GORASP1: variants seen among roughly 807,000 people sequenced by gnomAD.
The protein encoded by GORASP1 is Golgi reassembly-stacking protein 1.
GORASP1 carries 31 observed loss-of-function variants against 37.7 expected under a neutral mutation model. The ratio of observed to expected loss-of-function variants is 0.82; its 90% CI spans 0.62 to 1.11. GORASP1 has a LOEUF of 1.11. Ranked by LOEUF, GORASP1 falls within the 50% of genes least tolerant of loss-of-function variation. The probability of loss-of-function intolerance (pLI) is 0.00; values close to 1 mark genes in which losing one functional copy is unlikely to be tolerated. For missense variants in GORASP1, 476 were observed against 560.7 expected (o/e 0.85, Z 1.53); for synonymous variants, 204 against 224.8 (o/e 0.91, Z 0.83).
In GORASP1 at chr3:39,098,973, G is replaced by A; in HGVS notation, c.917-80C>T. On this transcript the variant is annotated intron_variant, in intron 7 of 8. Coordinates refer to ENST00000319283, the MANE Select transcript of GORASP1 (RefSeq NM_031899.4). This position sits in a 1 kb window ranked among gnomAD's most constrained non-coding sequence, Gnocchi z 4.7. Reference sequence around the variant, plus strand: ...CAGCACCCTGGGCTCACCTTGCCTAGGGCATCTGGCCCAGCCTGTGAGACT... The same window carrying A: ...CAGCACCCTGGGCTCACCTTGCCTAAGGCATCTGGCCCAGCCTGTGAGACT... 2 of 1,564,674 alleles carry A rather than the reference G, an allele frequency of 1.3e-6. No individual in the cohort carries two copies. Among genetic ancestry groups the A allele is most frequent in the Non-Finnish European group, 1.7e-6 (2 of 1,148,156 alleles).
rs1158168306 is a variant in GORASP1, at chr3:39,097,220, G to A, written c.*1016C>T. On this transcript the variant is annotated 3_prime_UTR_variant, in exon 9 of 9. Transcript: ENST00000319283. Reference sequence around the variant, plus strand: ...TTCAACTAGGCACAAGCTAGAAGACGAGGCCAGAGCAGCTTTCATAGTAAT... The same window carrying A: ...TTCAACTAGGCACAAGCTAGAAGACAAGGCCAGAGCAGCTTTCATAGTAAT... 1 of 152,200 alleles carries A rather than the reference G, an allele frequency of 6.6e-6. No individual in the cohort carries two copies. 9.4% of individuals were successfully genotyped at this position (152,200 alleles called of 1,614,324 possible).
Position 39,098,894 on chromosome 3 carries a change from C to G in GORASP1, c.917-1G>C. The stretch of plus-strand genomic sequence containing the variant: ...GAAATTCCCGACACGTCCAGGAAGC[C>G]TAGGGGAGGGTGGTGCAGTTCTTTG... On this transcript the variant is annotated splice_acceptor_variant, in intron 7 of 8. Transcript: ENST00000319283. LOFTEE classifies it high-confidence loss of function. The surrounding 1 kb of genome is among the most constrained non-coding windows in gnomAD (Gnocchi z 4.7). 6.2e-7 allele frequency: 1 copy of G among 1,613,822 alleles called. No individual in the cohort carries two copies. Among genetic ancestry groups the G allele is most frequent in the Non-Finnish European group, 8.5e-7 (1 of 1,179,888 alleles).
rs762993730 is a variant in GORASP1, at chr3:39,102,906, C to G, written c.145-25G>C. On this transcript the variant is annotated intron_variant, in intron 2 of 8. Transcript: ENST00000319283. The surrounding 1 kb of genome is among the most constrained non-coding windows in gnomAD (Gnocchi z 5.0). ...TCTGTGGGGGCAATGGGGCTGACTC[C>G]AAGGCCACCTCATGCCCAGGCTAGG... 1.2e-6 allele frequency: 2 copies of G among 1,606,460 alleles called. No individual in the cohort carries two copies. The highest frequency in any genetic ancestry group is 1.7e-6 in the Non-Finnish European group (2 of 1,172,986).
Position 39,103,160 on chromosome 3 carries a change from G to A in GORASP1, c.145-279C>T. On this transcript the variant is annotated intron_variant, in intron 2 of 8. Transcript: ENST00000319283. This position sits in a 1 kb window ranked among gnomAD's most constrained non-coding sequence, Gnocchi z 5.2. ...AGCCTCCCAGATCCACAGCATTCCA[G>A]TGCTGCCCCACTCTGAGCTGCCCCT... 1 of 594,152 alleles carries A rather than the reference G, an allele frequency of 1.7e-6. No individual in the cohort carries two copies. The highest frequency in any genetic ancestry group is 3.0e-6 in the Non-Finnish European group (1 of 333,646). The allele number at this position is 594,152 out of a possible 1,614,324, so 36.8% of individuals were successfully genotyped here. A position where few individuals can be genotyped will look rare whatever the true frequency, so the allele number is the denominator to read the frequency against.
chr3:39,104,995 G>A (rs373809355), intron 1 of GORASP1, among the ~76,000 whole-genome samples: 2 of 152,148 alleles, frequency 1.3e-5, no homozygotes, highest in African/African-American at 4.8e-5. Context: ...CTCCACGTCA[G>A]GTGCCTGCCT....
chr3:39,104,249 G>T (rs1309226936), intron 1 of GORASP1, among the ~76,000 whole-genome samples: 1 of 152,186 alleles, frequency 6.6e-6, no homozygotes, highest in Non-Finnish European at 1.5e-5. Context: ...GCCTCATAGT[G>T]TAGCCTCCAT....
At chr3:39,107,211 G>A (rs1165362898) in intron 1 of GORASP1, 3 of 539,880 alleles carry the variant, frequency 5.6e-6, no homozygotes, top group South Asian at 5.1e-5. Context: ...CCGGCGGCCG[G>A]ACCAGGAAAA....
chr3:39,101,528 C>G (rs2035717815), intron 3 of GORASP1: 2 of 458,358 alleles, frequency 4.4e-6, no homozygotes, highest in Non-Finnish European at 8.8e-6. Context: ...CAGGAGCACC[C>G]ACTACATTGC....
At chr3:39,104,653 A>G (rs916715572) in intron 1 of GORASP1, among the ~76,000 whole-genome samples, 2 of 152,200 alleles carry the variant, frequency 1.3e-5, no homozygotes, top group Non-Finnish European at 2.9e-5. Flanking sequence ...GCTCATGAAG[A>G]CTAGGCTGAG....
At position 39,097,310 on chromosome 3, in the gene GORASP1, C is replaced by T. The variant is rs2035403373; in HGVS notation, c.*926G>A. On this transcript the variant is annotated 3_prime_UTR_variant, in exon 9 of 9. Coordinates refer to ENST00000319283, the MANE Select transcript of GORASP1 (RefSeq NM_031899.4). ...GGACTTCAGGTGATGAGGGGCCGTC[C>T]CCAGGTGGAGTGCAGGGCCTAACCT... 1 of 152,250 alleles carries T rather than the reference C, an allele frequency of 6.6e-6. No individual in the cohort carries two copies. The allele number at this position is 152,250 out of a possible 1,614,324, so 9.4% of individuals were successfully genotyped here. A position where few individuals can be genotyped will look rare whatever the true frequency, so the allele number is the denominator to read the frequency against.
intron 6 of GORASP1, among the ~76,000 whole-genome samples, chr3:39,099,901 T>G (rs1021155223): frequency 6.6e-6 from 1 of 152,184 alleles, no homozygotes; most frequent in African/African-American, 2.4e-5. Context: ...TGCCCAAAGG[T>G]GCTCTCAGAG....
chr3:39,099,437 T>C lies in GORASP1; in HGVS notation c.832A>G (p.Ser278Gly). 1 of 1,612,262 alleles carries C rather than the reference T, an allele frequency of 6.2e-7. No homozygotes were observed. Among genetic ancestry groups the C allele is most frequent in the South Asian group, 1.1e-5 (1 of 90,592 alleles). ...GGAAGTCCATCAGGGTCTGGAGCAC[T>C]GTGGCTGGGACTCCCAGGCCCAGGA... ...PLPGPGSPSH[S>G]APDPDGLPHF... Residue 278 changes from serine (S) to glycine (G), a missense_variant, in exon 7 of 9, where the codon AGT (serine) becomes GGT (glycine). Transcript: ENST00000319283.
rs376255427 is a variant in GORASP1, at chr3:39,103,583, C to T, written c.64-30G>A. 6.0e-5 allele frequency: 95 copies of T among 1,574,218 alleles called. No homozygotes were observed. The highest frequency in any genetic ancestry group is 7.6e-5 in the Non-Finnish European group (88 of 1,152,816). On this transcript the variant is annotated intron_variant, in intron 1 of 8. Coordinates refer to ENST00000319283, the MANE Select transcript of GORASP1 (RefSeq NM_031899.4). This position sits in a 1 kb window ranked among gnomAD's most constrained non-coding sequence, Gnocchi z 5.2. ...CCCACAGCAAAGACCACAGTCACTGCGCCAACCCTGGGACTCTCCAAGTAG... is the reference window on the plus strand; with the variant it reads ...CCCACAGCAAAGACCACAGTCACTGTGCCAACCCTGGGACTCTCCAAGTAG...
rs188635731 is a variant in GORASP1, at chr3:39,106,459, C to G, written c.63+1020G>C. On this transcript the variant is annotated intron_variant, in intron 1 of 8. Transcript: ENST00000319283. The stretch of plus-strand genomic sequence containing the variant: ...TGTTTGGTGTCTCACCATAAGAAAG[C>G]CCATTCCCAAGCACAAATCCTGTCA... Among the ~76,000 whole-genome samples, 14 of 152,310 alleles carry G rather than the reference C, an allele frequency of 9.2e-5. No individual in the cohort carries two copies. The East Asian group carries it at 2.5e-3, about 27-fold the overall frequency.
chr3:39,103,414 A>G lies in GORASP1; in HGVS notation c.144+59T>C. ...GGTAGACTGGGGCCCCCTGTGGGACAGATGAAGACACACAAACACACATAA... is the reference window on the plus strand; with the variant it reads ...GGTAGACTGGGGCCCCCTGTGGGACGGATGAAGACACACAAACACACATAA... On this transcript the variant is annotated intron_variant, in intron 2 of 8. Coordinates refer to ENST00000319283, the MANE Select transcript of GORASP1 (RefSeq NM_031899.4). This position sits in a 1 kb window ranked among gnomAD's most constrained non-coding sequence, Gnocchi z 5.2. The G allele has an allele frequency of 7.1e-7, 1 of 1,408,582 alleles. No individual in the cohort carries two copies. The allele number at this position is 1,408,582 out of a possible 1,614,324, so 87.3% of individuals were successfully genotyped here.
At chr3:39,104,637 A>G (rs1017025032) in intron 1 of GORASP1, among the ~76,000 whole-genome samples, 1 of 152,196 alleles carries the variant, frequency 6.6e-6, no homozygotes, top group Non-Finnish European at 1.5e-5. Flanking sequence ...CCCAACCTGA[A>G]GGAGAGCTCA....
chr3:39,101,879 A>G (rs1251097352), intron 3 of GORASP1, among the ~76,000 whole-genome samples: 1 of 152,228 alleles, frequency 6.6e-6, no homozygotes, highest in Admixed American at 6.5e-5. Context: ...AGATACCATC[A>G]ATGGGCACAG....
In GORASP1 at chr3:39,105,536, G is replaced by A. The variant is rs1157665460; in HGVS notation, c.63+1943C>T. Among the ~76,000 whole-genome samples the A allele has an allele frequency of 5.3e-5, 8 of 152,050 alleles. No individual in the cohort carries two copies. The highest frequency in any genetic ancestry group is 1.5e-4 in the African/African-American group (6 of 41,360). Reference sequence around the variant, plus strand: ...ATTTGACCCCAGGAAATCCAACCCAGAGCCCTCCCCCTAACCACTGCCCTC... The same window carrying A: ...ATTTGACCCCAGGAAATCCAACCCAAAGCCCTCCCCCTAACCACTGCCCTC... On this transcript the variant is annotated intron_variant, in intron 1 of 8. Coordinates refer to ENST00000319283, the MANE Select transcript of GORASP1 (RefSeq NM_031899.4). This position sits in a 1 kb window ranked among gnomAD's most constrained non-coding sequence, Gnocchi z 5.4.
At position 39,100,891 on chromosome 3, in the gene GORASP1, A is replaced by G. The variant is rs781119703; in HGVS notation, c.436-14T>C. The G allele has an allele frequency of 1.2e-5, 20 of 1,614,060 alleles. No individual in the cohort carries two copies. The East Asian group carries it at 2.9e-4, about 23-fold the overall frequency. ...GAAGTCCTCGGACTGTGAGAAACGC[A>G]TAGCACCTGAGGCCTGCTTCCAGGG... On this transcript the variant is annotated splice_polypyrimidine_tract_variant and intron_variant, in intron 4 of 8. Coordinates refer to ENST00000319283, the MANE Select transcript of GORASP1 (RefSeq NM_031899.4). This position sits in a 1 kb window ranked among gnomAD's most constrained non-coding sequence, Gnocchi z 4.6.
Sources: allele counts gnomAD v4.1 joint callset (sites outside exome capture counted in the v4.1 genomes callset), GRCh38; gene constraint gnomAD v4.1.1; non-coding constraint Gnocchi (gnomAD v3.1); transcripts MANE v1.5; gene names NCBI Gene and HGNC (gene_info 2026-07-23, HGNC 2026-07-21).